SPAG16: variants seen among roughly 807,000 people sequenced by gnomAD.
SPAG16 encodes the protein sperm associated antigen 16.
SPAG16 carries 86 observed loss-of-function variants against 80.4 expected under a neutral mutation model. The ratio of observed to expected loss-of-function variants is 1.07; its 90% CI spans 0.90 to 1.28. SPAG16 has a LOEUF of 1.28. Ranked by LOEUF, SPAG16 falls within the 50% of genes most tolerant of loss-of-function variation. The probability of loss-of-function intolerance (pLI) is 0.00; values close to 1 mark genes in which losing one functional copy is unlikely to be tolerated. For missense variants in SPAG16, 870 were observed against 765.3 expected (o/e 1.14, Z -1.61); for synonymous variants, 294 against 265.9 (o/e 1.11, Z -1.03).
chr2:213,887,193 C>G (rs78159700), intron 11 of SPAG16, among the ~76,000 whole-genome samples: 2 of 152,044 alleles, frequency 1.3e-5, no homozygotes, highest in African/African-American at 4.8e-5. Context: ...ATACTTTTAA[C>G]TAAACTATAG....
chr2:213,658,916 T>A (rs1002001245), intron 10 of SPAG16, among the ~76,000 whole-genome samples: 1 of 152,000 alleles, frequency 6.6e-6, no homozygotes, highest in Admixed American at 6.6e-5. Flanking sequence ...TGTGCCTGTA[T>A]TCCCAGCTAC....
chr2:213,638,395 T>A (rs1204774700), intron 10 of SPAG16, among the ~76,000 whole-genome samples: 1 of 152,138 alleles, frequency 6.6e-6, no homozygotes, highest in African/African-American at 2.4e-5. Context: ...ACTAACTATT[T>A]TCTTAGCAGG....
At chr2:214,073,801 A>C (rs186571029) in intron 13 of SPAG16, among the ~76,000 whole-genome samples, 1 of 152,316 alleles carries the variant, frequency 6.6e-6, no homozygotes, top group Admixed American at 6.5e-5. Flanking sequence ...ACCTACTATA[A>C]GTCTTACTTT....
At chr2:213,695,379 G>A (rs770572048) in intron 10 of SPAG16, among the ~76,000 whole-genome samples, 21 of 152,052 alleles carry the variant, frequency 1.4e-4, no homozygotes, top group African/African-American at 2.7e-4. Context: ...TATACTATCC[G>A]CTAAACTGTC....
chr2:214,075,480 A>G (rs572688997), intron 13 of SPAG16, among the ~76,000 whole-genome samples: 1 of 152,170 alleles, frequency 6.6e-6, no homozygotes, highest in Non-Finnish European at 1.5e-5. Context: ...CGCCGTAATG[A>G]TCTACAAGTC....
At chr2:213,301,869 T>A (rs1424100651) in intron 3 of SPAG16, among the ~76,000 whole-genome samples, 1 of 152,184 alleles carries the variant, frequency 6.6e-6, no homozygotes, top group East Asian at 1.9e-4. Context: ...CTCAGATGTT[T>A]TCTTGCCTTG....
chr2:213,360,601 A>T (rs543056461), intron 7 of SPAG16, among the ~76,000 whole-genome samples: 1 of 152,318 alleles, frequency 6.6e-6, no homozygotes, highest in Admixed American at 6.5e-5. Flanking sequence ...ACAAAGAATG[A>T]TTTATTGCCA....
intron 12 of SPAG16, among the ~76,000 whole-genome samples, chr2:213,958,360 T>C (rs1279936318): frequency 6.6e-6 from 1 of 152,016 alleles, no homozygotes; most frequent in African/African-American, 2.4e-5. Flanking sequence ...CAGGAGGTAG[T>C]TGTATAAACT....
chr2:213,328,225 T>C (rs2063925955), intron 5 of SPAG16, among the ~76,000 whole-genome samples: 3 of 152,180 alleles, frequency 2.0e-5, no homozygotes, highest in Non-Finnish European at 4.4e-5. Flanking sequence ...TTGACATGCT[T>C]TAGAGCTAAC....
intron 10 of SPAG16, among the ~76,000 whole-genome samples, chr2:213,495,149 C>T (rs1443667894): frequency 6.6e-6 from 1 of 152,158 alleles, no homozygotes; most frequent in Non-Finnish European, 1.5e-5. Context: ...ATCCAGTTTC[C>T]TCTTCTCTGA....
intron 10 of SPAG16, among the ~76,000 whole-genome samples, chr2:213,493,840 T>C (rs985483068): frequency 6.6e-6 from 1 of 152,220 alleles, no homozygotes; most frequent in Non-Finnish European, 1.5e-5. Flanking sequence ...AAACCTATGC[T>C]GTTTCCTCAT....
intron 11 of SPAG16, among the ~76,000 whole-genome samples, chr2:213,903,825 T>C (rs2077322826): frequency 6.6e-6 from 1 of 152,224 alleles, no homozygotes; most frequent in African/African-American, 2.4e-5. Context: ...ACCTGCTGAA[T>C]GTTTCGCTGC....
intron 10 of SPAG16, among the ~76,000 whole-genome samples, chr2:213,598,811 G>A (rs924711838): frequency 2.7e-4 from 41 of 152,242 alleles, no homozygotes; most frequent in African/African-American, 9.4e-4. Context: ...GACATATTTT[G>A]GTAATGGGTC....
In SPAG16 at chr2:213,807,795, G is replaced by A. The variant is rs373961129; in HGVS notation, c.1071-54690G>A. Among the ~76,000 whole-genome samples the A allele has an allele frequency of 6.6e-5, 10 of 152,306 alleles. No homozygotes were observed. In the South Asian group the frequency reaches 1.4e-3, roughly 22 times the overall value. ...ATATTAGGACTAAAGATAAGCTTGAGCTAAATTGTGTTAATTCATAATGCA... is the reference window on the plus strand; with the variant it reads ...ATATTAGGACTAAAGATAAGCTTGAACTAAATTGTGTTAATTCATAATGCA... On this transcript the variant is annotated intron_variant, in intron 10 of 15. Transcript: ENST00000331683.
At chr2:213,675,149 G>T (rs1457613354) in intron 10 of SPAG16, among the ~76,000 whole-genome samples, 1 of 152,198 alleles carries the variant, frequency 6.6e-6, no homozygotes, top group Non-Finnish European at 1.5e-5. Flanking sequence ...TGGTGAGCAT[G>T]TTTTCATGCG....
chr2:213,474,616 T>C (rs1269510096), intron 9 of SPAG16, among the ~76,000 whole-genome samples: 1 of 152,202 alleles, frequency 6.6e-6, no homozygotes, highest in Non-Finnish European at 1.5e-5. Context: ...GTGTTCTCCA[T>C]ACTATTAGAA....
chr2:214,385,973 C>T (rs1574474212), intron 15 of SPAG16, among the ~76,000 whole-genome samples: 1 of 152,328 alleles, frequency 6.6e-6, no homozygotes. Flanking sequence ...TTTCCATTTG[C>T]TTTCACATGG....
intron 10 of SPAG16, among the ~76,000 whole-genome samples, chr2:213,845,771 TG>T (rs1481645294): frequency 6.6e-6 from 1 of 152,236 alleles, no homozygotes; most frequent in Non-Finnish European, 1.5e-5. Flanking sequence ...GCCATTCTGC[TG>T]TTTGTAGCTG....
intron 11 of SPAG16, among the ~76,000 whole-genome samples, chr2:213,867,979 C>T (rs1303868782): frequency 7.0e-6 from 1 of 143,098 alleles, no homozygotes; most frequent in Non-Finnish European, 1.5e-5. Flanking sequence ...ATAAAACTGT[C>T]AGCCACACAG....
Sources: gnomAD v4.1 joint callset for allele counts (sites outside exome capture counted in the v4.1 genomes callset) on GRCh38, gnomAD v4.1.1 for gene constraint, MANE v1.5 for transcripts, NCBI Gene and HGNC (gene_info 2026-07-23, HGNC 2026-07-21) for gene names.